Variants in MBD3 observed in about 807,000 individuals in gnomAD.
MBD3 encodes methyl-CpG binding domain protein 3.
Under a neutral mutation model 31.2 loss-of-function variants are expected in MBD3, and 13 were observed. The observed-to-expected ratio is 0.42, with a 90% CI of 0.27 to 0.66. The LOEUF is 0.66. Among genes scored for constraint, MBD3 ranks in the 30% least tolerant of loss-of-function variants. The probability of loss-of-function intolerance (pLI) is 0.26; values close to 1 mark genes in which losing one functional copy is unlikely to be tolerated. For synonymous variants in MBD3, 223 were observed against 187.4 expected (o/e 1.19, Z -1.55); for missense variants, 440 against 426.5 (o/e 1.03, Z -0.28).
In MBD3 at chr19:1,579,092, G is replaced by A. The variant is rs1169701590; in HGVS notation, c.678-554C>T. Among the ~76,000 whole-genome samples the A allele has an allele frequency of 2.0e-5, 3 of 147,368 alleles. No individual in the cohort carries two copies. The Admixed American group carries it at 2.1e-4, about 10-fold the overall frequency. On this transcript the variant is annotated intron_variant, in intron 5 of 6. Transcript: ENST00000434436. The stretch of plus-strand genomic sequence containing the variant: ...CCAGCTACTTGGGAGGCTGAGGCAG[G>A]AGAATCACTTGAACCCGGGAGGCGG...
At position 1,585,850 on chromosome 19, in the gene MBD3, C is replaced by T. The variant is rs1261838167; in HGVS notation, c.111-636G>A. 6.5e-6 allele frequency: 1 copy of T among 154,904 alleles called. No individual in the cohort carries two copies. Among genetic ancestry groups the T allele is most frequent in the Admixed American group, 6.3e-5 (1 of 15,762 alleles). The allele number at this position is 154,904 out of a possible 1,614,324, so 9.6% of individuals were successfully genotyped here. A position where few individuals can be genotyped will look rare whatever the true frequency, so the allele number is the denominator to read the frequency against. ...ATCTGGGGCCAGGCCCTAACAGCTGCTTGGGCATAACCCGACTGGAGAGCT... is the reference window on the plus strand; with the variant it reads ...ATCTGGGGCCAGGCCCTAACAGCTGTTTGGGCATAACCCGACTGGAGAGCT... On this transcript the variant is annotated intron_variant, in intron 1 of 6. Transcript: ENST00000434436. The surrounding 1 kb of genome is among the most constrained non-coding windows in gnomAD (Gnocchi z 4.1).
Position 1,577,764 on chromosome 19 carries a change from GA to G in MBD3, c.*399del, listed in dbSNP as rs1473707499. The G allele has an allele frequency of 5.9e-6, 1 of 169,078 alleles. No individual in the cohort carries two copies. Among genetic ancestry groups the G allele is most frequent in the Non-Finnish European group, 1.3e-5 (1 of 77,872 alleles). The allele number at this position is 169,078 out of a possible 1,614,324, so 10.5% of individuals were successfully genotyped here. On this transcript the variant is annotated 3_prime_UTR_variant, in exon 7 of 7. Coordinates refer to ENST00000434436, the MANE Select transcript of MBD3 (RefSeq NM_001281453.2). ...TTTCAAAACTACGCCTCCAGACCGA[GA>G]AACCCTCCCAGCTGTCAGCAAGCCG...
At position 1,574,945 on chromosome 19, in the gene MBD3, A is replaced by G; in HGVS notation, c.*3219T>C. The G allele has an allele frequency of 3.1e-6, 1 of 320,510 alleles. No homozygotes were observed. 19.9% of individuals were successfully genotyped at this position (320,510 alleles called of 1,614,324 possible). A position where few individuals can be genotyped will look rare whatever the true frequency, so the allele number is the denominator to read the frequency against. On this transcript the variant is annotated 3_prime_UTR_variant, in exon 7 of 7. Coordinates refer to ENST00000434436, the MANE Select transcript of MBD3 (RefSeq NM_001281453.2). ...GGGCCCTGGGTGTGGCAGGAGAGGC[A>G]TGATGCCCCTTAGCTGGTGTTGCTG... is the stretch of plus-strand genomic sequence containing the variant.
Position 1,585,498 on chromosome 19 carries a change from T to C in MBD3, c.111-284A>G, listed in dbSNP as rs1057041063. ...AGCACTGGCCCCGATCCTCACACCC[T>C]GGCCCTAGCCCCAGCCTCCACATCG... On this transcript the variant is annotated intron_variant, in intron 1 of 6. Coordinates refer to ENST00000434436, the MANE Select transcript of MBD3 (RefSeq NM_001281453.2). This position sits in a 1 kb window ranked among gnomAD's most constrained non-coding sequence, Gnocchi z 4.1. 4.0e-5 allele frequency: 18 copies of C among 454,814 alleles called. No individual in the cohort carries two copies. Among genetic ancestry groups the C allele is most frequent in the African/African-American group, 3.4e-4 (17 of 49,742 alleles). 28.2% of individuals were successfully genotyped at this position (454,814 alleles called of 1,614,324 possible).
In MBD3 at chr19:1,585,310, C is replaced by CAG. The variant is rs1017790347; in HGVS notation, c.111-98_111-97dup. 188 of 1,392,228 alleles carry CAG rather than the reference C, an allele frequency of 1.4e-4. No homozygotes were observed. Among genetic ancestry groups the CAG allele is most frequent in the Non-Finnish European group, 1.7e-4 (175 of 1,029,488 alleles). The allele number at this position is 1,392,228 out of a possible 1,614,324, so 86.2% of individuals were successfully genotyped here. On this transcript the variant is annotated intron_variant, in intron 1 of 6. Coordinates refer to ENST00000434436, the MANE Select transcript of MBD3 (RefSeq NM_001281453.2). This position sits in a 1 kb window ranked among gnomAD's most constrained non-coding sequence, Gnocchi z 4.1. ...CCAAACCCAGTCCCAGCCCCAGCTTCAGGTCGCGACCCCAGCCCCAGACCC... is the reference window on the plus strand; with the variant it reads ...CCAAACCCAGTCCCAGCCCCAGCTTCAGAGGTCGCGACCCCAGCCCCAGACCC...
At chr19:1,580,967 TTC>T (rs1217655844) in intron 5 of MBD3, 123 bp downstream of exon 5, 25 of 1,260,720 alleles carry the variant, frequency 2.0e-5, no homozygotes, top group South Asian at 5.1e-5. Context: ...CCCTGGCTGT[TTC>T]TGTTTCAAAA....
At chr19:1,583,002 G>A (rs1386601475) in intron 3 of MBD3, among the ~76,000 whole-genome samples, 1 of 152,102 alleles carries the variant, frequency 6.6e-6, no homozygotes, top group Non-Finnish European at 1.5e-5. Context: ...TCAGGAGTTT[G>A]AGACCAGCCT....
At position 1,592,695 on chromosome 19, in the gene MBD3, G is replaced by T. The variant is rs1292960410; in HGVS notation, c.-64C>A. The T allele has an allele frequency of 9.1e-6, 5 of 546,796 alleles. No individual in the cohort carries two copies. Among genetic ancestry groups the T allele is most frequent in the Non-Finnish European group, 1.2e-5 (5 of 418,286 alleles). 33.9% of individuals were successfully genotyped at this position (546,796 alleles called of 1,614,324 possible). On this transcript the variant is annotated 5_prime_UTR_variant, in exon 1 of 7. Coordinates refer to ENST00000434436, the MANE Select transcript of MBD3 (RefSeq NM_001281453.2). ...GCCGCCCGGACCCCCACTCGCCGCCGCCGCCTCAGCTGCCTCCGCTGCCGC... is the reference window on the plus strand; with the variant it reads ...GCCGCCCGGACCCCCACTCGCCGCCTCCGCCTCAGCTGCCTCCGCTGCCGC...
chr19:1,574,896 G>A lies in MBD3; in HGVS notation c.*3268C>T. On this transcript the variant is annotated 3_prime_UTR_variant, in exon 7 of 7. Transcript: ENST00000434436. ...GGCTGTCCCTGTCTGCCTGGGTCTG[G>A]GGGCTGCAGGGACAGCAAGGCACGG... 1 of 278,358 alleles carries A rather than the reference G, an allele frequency of 3.6e-6. No homozygotes were observed. Among genetic ancestry groups the A allele is most frequent in the Non-Finnish European group, 7.3e-6 (1 of 137,576 alleles). 17.2% of individuals were successfully genotyped at this position (278,358 alleles called of 1,614,324 possible).
chr19:1,583,402 A>AAAAAAAAAAAAAC (rs2060662463), intron 3 of MBD3: 1 of 151,546 alleles, frequency 6.6e-6, no homozygotes, highest in Non-Finnish European at 1.5e-5. Flanking sequence ...AAAAAAAAAA[A>AAAAAAAAAAAAAC]AAAAAGAAAA....
Position 1,581,100 on chromosome 19 carries a change from C to T in MBD3, c.669G>A (p.Glu223=), listed in dbSNP as rs1211098131. Residue 223 remains glutamate (E), a synonymous_variant, in exon 5 of 7, where the codon GAG becomes GAA. Coordinates refer to ENST00000434436, the MANE Select transcript of MBD3 (RefSeq NM_001281453.2). The part of the protein sequence containing the change: ...PLCKAFMVTD[E]DIRKQEELVQ... ...CCAGGCCAAGGGGCTACCTGATGTC[C>T]TCGTCGGTCACCATGAAGGCTTTGC... 6.2e-6 allele frequency: 10 copies of T among 1,614,148 alleles called. No individual in the cohort carries two copies. The highest frequency in any genetic ancestry group is 3.3e-4 in the Middle Eastern group (2 of 6,062).
Position 1,585,363 on chromosome 19 carries a change from CAG to C in MBD3, c.111-151_111-150del. 2.4e-6 allele frequency: 2 copies of C among 840,222 alleles called. No individual in the cohort carries two copies. Among genetic ancestry groups the C allele is most frequent in the South Asian group, 3.4e-5 (2 of 58,438 alleles). 52.0% of individuals were successfully genotyped at this position (840,222 alleles called of 1,614,324 possible). On this transcript the variant is annotated intron_variant, in intron 1 of 6. Transcript: ENST00000434436. The surrounding 1 kb of genome is among the most constrained non-coding windows in gnomAD (Gnocchi z 4.1). ...ACACGGCCCTGACCCCAAACCCAGG[CAG>C]GCCCTGGCCCCAGCCCCAGACCCCA...
rs1265028101 is a variant in MBD3, at chr19:1,581,072, G to A, written c.677+20C>T. On this transcript the variant is annotated intron_variant, in intron 5 of 6. Coordinates refer to ENST00000434436, the MANE Select transcript of MBD3 (RefSeq NM_001281453.2). ...ACAAGAGACAGGGTGGAGCAGCAGG[G>A]GACCAGGCCAAGGGGCTACCTGATG... The A allele has an allele frequency of 2.5e-6, 4 of 1,613,882 alleles. No individual in the cohort carries two copies. The African/African-American group carries it at 4.0e-5, about 16-fold the overall frequency.
chr19:1,581,771 CT>C (rs35312920), intron 4 of MBD3: 31,837 of 161,842 alleles, frequency 0.2, 2,265 homozygotes, highest in Non-Finnish European at 0.25. Flanking sequence ...TGCTCTGTAT[CT>C]TTTTTTTTTT....
At position 1,585,572 on chromosome 19, in the gene MBD3, C is replaced by CT; in HGVS notation, c.111-359_111-358insA. Reference sequence around the variant, plus strand: ...CCCGGTCCCCTCTGAATCCTCCCCACCGTAGGCCCTGGCAGCGTCAGGCAC... The same window carrying CT: ...CCCGGTCCCCTCTGAATCCTCCCCACTCGTAGGCCCTGGCAGCGTCAGGCAC... On this transcript the variant is annotated intron_variant, in intron 1 of 6. Coordinates refer to ENST00000434436, the MANE Select transcript of MBD3 (RefSeq NM_001281453.2). The surrounding 1 kb of genome is among the most constrained non-coding windows in gnomAD (Gnocchi z 4.1). 3.2e-6 allele frequency: 1 copy of CT among 313,094 alleles called. No homozygotes were observed. Among genetic ancestry groups the CT allele is most frequent in the South Asian group, 3.3e-5 (1 of 30,110 alleles). 19.4% of individuals were successfully genotyped at this position (313,094 alleles called of 1,614,324 possible).
chr19:1,587,954 G>A (rs1456519240), intron 1 of MBD3, among the ~76,000 whole-genome samples: 1 of 152,232 alleles, frequency 6.6e-6, no homozygotes, highest in Non-Finnish European at 1.5e-5. Flanking sequence ...CATGGCAGAT[G>A]CCAGATGTCA....
intron 5 of MBD3, among the ~76,000 whole-genome samples, chr19:1,580,744 C>T (rs184596426): frequency 3.9e-5 from 6 of 152,342 alleles, no homozygotes; most frequent in Admixed American, 3.9e-4. Context: ...AGCAGGCACC[C>T]AGAGCCATCT....
chr19:1,585,647 C>T lies in MBD3; in HGVS notation c.111-433G>A. 4.5e-6 allele frequency: 1 copy of T among 221,714 alleles called. No homozygotes were observed. Among genetic ancestry groups the T allele is most frequent in the Non-Finnish European group, 9.1e-6 (1 of 109,750 alleles). 13.7% of individuals were successfully genotyped at this position (221,714 alleles called of 1,614,324 possible). On this transcript the variant is annotated intron_variant, in intron 1 of 6. Transcript: ENST00000434436. This position sits in a 1 kb window ranked among gnomAD's most constrained non-coding sequence, Gnocchi z 4.1. ...ACGCTACTACCTACAGGGCTTTGGGCCCCGGCTCTGGGAGGATGGCTCACA... is the reference window on the plus strand; with the variant it reads ...ACGCTACTACCTACAGGGCTTTGGGTCCCGGCTCTGGGAGGATGGCTCACA...
chr19:1,577,697 G>A lies in MBD3; in HGVS notation c.*467C>T, dbSNP rs1435779428. 1 of 157,702 alleles carries A rather than the reference G, an allele frequency of 6.3e-6. No homozygotes were observed. Among genetic ancestry groups the A allele is most frequent in the Non-Finnish European group, 1.4e-5 (1 of 71,406 alleles). The allele number at this position is 157,702 out of a possible 1,614,324, so 9.8% of individuals were successfully genotyped here. ...GCCGTCCTGCATGCCCCCCACAGCA[G>A]ACCAGAGTCCCGTCCTCACGCTGCA... On this transcript the variant is annotated 3_prime_UTR_variant, in exon 7 of 7. Coordinates refer to ENST00000434436, the MANE Select transcript of MBD3 (RefSeq NM_001281453.2).
Sources: gnomAD v4.1 joint callset for allele counts (sites outside exome capture counted in the v4.1 genomes callset) on GRCh38, gnomAD v4.1.1 for gene constraint, Gnocchi (gnomAD v3.1) non-coding constraint, MANE v1.5 for transcripts, NCBI Gene and HGNC (gene_info 2026-07-23, HGNC 2026-07-21) for gene names.